RP1: variants seen among roughly 807,000 people sequenced by gnomAD.
The protein encoded by RP1 is RP1 axonemal microtubule associated.
Under a neutral mutation model 14.8 loss-of-function variants are expected in RP1, and 16 were observed. The observed-to-expected ratio is 1.08, with a 90% confidence interval of 0.73 to 1.65. The LOEUF is 1.65. Ranked by LOEUF, RP1 falls within the 40% of genes most tolerant of loss-of-function variation. The pLI, the probability that RP1 is intolerant of heterozygous loss-of-function variation, is 0.00. For missense variants in RP1, 2,631 were observed against 2,535.0 expected, an observed-to-expected ratio of 1.04 and a Z score of -0.81; for synonymous variants, 876 against 883.6, an observed-to-expected ratio of 0.99 and a Z score of 0.15.
intron 12 of RP1, among the ~76,000 whole-genome samples, chr8:54,683,669 A>T (rs552211288): frequency 6.6e-6 from 1 of 152,140 alleles, no homozygotes; most frequent in Non-Finnish European, 1.5e-5. Context: ...CTGGGGCTAA[A>T]GTTGCTTACT....
chr8:54,713,377 G>A (rs1185632753), intron 15 of RP1, among the ~76,000 whole-genome samples: 1 of 152,056 alleles, frequency 6.6e-6, no homozygotes, highest in African/African-American at 2.4e-5. Context: ...AAAATAACAT[G>A]GGTGGAACTC....
At chr8:54,790,488 T>C (rs918611585) in intron 24 of RP1, among the ~76,000 whole-genome samples, 1 of 151,268 alleles carries the variant, frequency 6.6e-6, no homozygotes, top group African/African-American at 2.4e-5. Flanking sequence ...CAGTAGTTGA[T>C]CCTAGAGAAA....
At chr8:54,836,293 T>C (rs1811654631) in intron 24 of RP1, among the ~76,000 whole-genome samples, 1 of 152,200 alleles carries the variant, frequency 6.6e-6, no homozygotes, top group African/African-American at 2.4e-5. Context: ...TTATAGTATG[T>C]GGCAGTCAGA....
At chr8:54,633,710 C>CCTCTCTCT (rs3077384), downstream of RP1, among the ~76,000 whole-genome samples, 2,045 of 118,340 alleles carry the variant, frequency 0.017, 35 homozygotes, top group Admixed American at 0.058. Flanking sequence ...TTATTTTGTG[C>CCTCTCTCT]CTCTCTCTCT....
intron 1 of RP1, among the ~76,000 whole-genome samples, chr8:54,579,115 G>C (rs1490127150): frequency 6.6e-6 from 1 of 152,138 alleles, no homozygotes; most frequent in African/African-American, 2.4e-5. Context: ...CAAAAGCTGC[G>C]CTGGTGTGTT....
At chr8:54,700,405 G>GA (rs969010191) in intron 13 of RP1, among the ~76,000 whole-genome samples, 14 of 149,006 alleles carry the variant, frequency 9.4e-5, no homozygotes, top group Admixed American at 2.7e-4. Context: ...AATACTTATT[G>GA]AAAAAAAAAC....
intron 1 of RP1, among the ~76,000 whole-genome samples, chr8:54,603,986 A>AG (rs1364816583): frequency 6.6e-5 from 10 of 152,294 alleles, no homozygotes; most frequent in Admixed American, 2.0e-4. Flanking sequence ...ATCTGCAAAC[A>AG]GGACAATTTG....
chr8:54,570,173 A>G (rs1804491024), intron 1 of RP1, among the ~76,000 whole-genome samples: 1 of 152,002 alleles, frequency 6.6e-6, no homozygotes, highest in Non-Finnish European at 1.5e-5. Flanking sequence ...GATGTGGAAA[A>G]CCCAACTGCC....
intron 17 of RP1, among the ~76,000 whole-genome samples, chr8:54,728,671 A>G (rs571653849): frequency 7.3e-4 from 111 of 152,310 alleles, no homozygotes; most frequent in African/African-American, 2.6e-3. Flanking sequence ...ATAAATAGTT[A>G]TTTTGTAGTA....
At chr8:54,789,161 A>G (rs1003959342) in intron 24 of RP1, among the ~76,000 whole-genome samples, 1 of 152,238 alleles carries the variant, frequency 6.6e-6, no homozygotes, top group East Asian at 1.9e-4. Flanking sequence ...CAACCAGTGC[A>G]CAGAACTTGG....
chr8:54,780,416 T>A (rs1810157371), intron 23 of RP1, among the ~76,000 whole-genome samples: 1 of 152,226 alleles, frequency 6.6e-6, no homozygotes, highest in Non-Finnish European at 1.5e-5. Context: ...CCTTAGAGTC[T>A]CTCGAATGTT....
At chr8:54,812,762 C>CATCTATCTATCTATCTATCT (rs58007600) in intron 24 of RP1, among the ~76,000 whole-genome samples, 1 of 145,164 alleles carries the variant, frequency 6.9e-6, no homozygotes, top group Non-Finnish European at 1.5e-5. Flanking sequence ...ATCTATCTAT[C>CATCTATCTATCTATCTATCT]ATCTATCTAT....
At chr8:54,741,036 CAA>C (rs755091828) in intron 19 of RP1, among the ~76,000 whole-genome samples, 9 of 83,968 alleles carry the variant, frequency 1.1e-4, no homozygotes, top group African/African-American at 1.4e-4. Flanking sequence ...GACTTTGTCT[CAA>C]AAAAAAAAAA....
chr8:54,670,523 G>GTATGTA (rs1554522872), intron 7 of RP1, among the ~76,000 whole-genome samples: 2 of 32,598 alleles, frequency 6.1e-5, no homozygotes, highest in African/African-American at 8.1e-5. Context: ...ATATGTATGT[G>GTATGTA]TATATATATA....
At chr8:54,645,985 C>G (rs767426857) in intron 3 of RP1, among the ~76,000 whole-genome samples, 7 of 152,030 alleles carry the variant, frequency 4.6e-5, no homozygotes, top group Non-Finnish European at 8.8e-5. Context: ...TGTCCACCAC[C>G]CGCATTCTTT....
rs1199192097 is a variant in RP1 at position 54,806,055 on chromosome 8, G to A, written c.3615+22345G>A. 2.6e-5 allele frequency among the ~76,000 whole-genome samples: 4 copies of A among 152,138 alleles called. No individual in the cohort carries two copies. In the East Asian group the frequency reaches 7.7e-4, roughly 29 times the overall value. On this transcript the variant is annotated intron_variant, in intron 24 of 28. Transcript: ENST00000637698. ...ATTTTTTGAGACAGAGTCACACTCT[G>A]TCACCCAGGCTGGAGTGCAGTGGTG... is the stretch of plus-strand genomic sequence containing the variant.
Position 54,580,166 on chromosome 8 carries a change from G to C in RP1, c.-13+20846G>C, listed in dbSNP as rs567506700. Among the ~76,000 whole-genome samples the C allele has an allele frequency of 2.3e-4, 35 of 150,276 alleles. No individual in the cohort carries two copies. In the South Asian group the frequency reaches 7.1e-3, roughly 30 times the overall value. On this transcript the variant is annotated intron_variant, in intron 1 of 22. Transcript: ENST00000636932. The stretch of plus-strand genomic sequence containing the variant: ...ATCTGTAGAATGAAGTAACTGCTGT[G>C]CAGGTCAGAGTCAATGTATATAAAG...
intron 23 of RP1, among the ~76,000 whole-genome samples, chr8:54,775,446 G>A (rs566829358): frequency 6.6e-6 from 1 of 152,258 alleles, no homozygotes; most frequent in Admixed American, 6.5e-5. Context: ...TTAGAATCCA[G>A]CCACTGTCCT....
At chr8:54,811,558 G>T (rs1421333206) in intron 24 of RP1, among the ~76,000 whole-genome samples, 2 of 152,190 alleles carry the variant, frequency 1.3e-5, no homozygotes, top group Non-Finnish European at 2.9e-5. Flanking sequence ...GAGGGAAGAA[G>T]TCGTGTCATA....
Sources: allele counts gnomAD v4.1 joint callset (sites outside exome capture counted in the v4.1 genomes callset), GRCh38; gene constraint gnomAD v4.1.1; transcripts MANE v1.5; gene names NCBI Gene and HGNC (gene_info 2026-07-23, HGNC 2026-07-21).